The following FAM135B variants were observed in gnomAD, a reference collection of about 807,000 sequenced individuals.
The protein encoded by FAM135B is protein FAM135B.
Under a neutral mutation model 127.7 loss-of-function variants are expected in FAM135B, and 43 were observed. That is an observed-to-expected ratio of 0.34 (90% CI 0.26 to 0.43). The LOEUF (loss-of-function observed/expected upper bound fraction) is 0.43. Ranked by LOEUF, FAM135B falls within the 20% of genes least tolerant of loss-of-function variation. The pLI is 1.00. For synonymous variants in FAM135B, 670 were observed against 665.1 expected (o/e 1.01, Z -0.11); for missense variants, 1,558 against 1,725.6 (o/e 0.90, Z 1.72).
intron 9 of FAM135B, among the ~76,000 whole-genome samples, chr8:138,185,369 C>T (rs895549006): frequency 6.6e-6 from 1 of 152,172 alleles, no homozygotes; most frequent in Non-Finnish European, 1.5e-5. Context: ...TTGAGATCAG[C>T]TCCTTCACAG....
At chr8:138,153,985 C>T (rs1007838044) in intron 12 of FAM135B, among the ~76,000 whole-genome samples, 3 of 152,242 alleles carry the variant, frequency 2.0e-5, no homozygotes, top group African/African-American at 7.2e-5. Context: ...GACAGACTGC[C>T]TCCTCAAGTG....
chr8:138,196,951 G>A (rs935874098), intron 8 of FAM135B, among the ~76,000 whole-genome samples: 7 of 152,156 alleles, frequency 4.6e-5, no homozygotes, highest in Non-Finnish European at 1.0e-4. Context: ...CAAGCCCACT[G>A]ATTTCCATGA....
At position 138,390,314 on chromosome 8, in the gene FAM135B, C is replaced by T. The variant is rs1832476729; in HGVS notation, c.-19-22312G>A. On this transcript the variant is annotated intron_variant, in intron 1 of 19. Coordinates refer to ENST00000395297, the MANE Select transcript of FAM135B (RefSeq NM_015912.4). ...AGGGGCGGTTTCCCCCAGCTGTTTT[C>T]ATGGTAGTGAATAAGTCCCAGGAGA... Among the ~76,000 whole-genome samples, 3 of 152,092 alleles carry T rather than the reference C, an allele frequency of 2.0e-5. No individual in the cohort carries two copies. In the South Asian group the frequency reaches 6.2e-4, roughly 32 times the overall value.
chr8:138,218,124 G>A (rs946602948), intron 7 of FAM135B, among the ~76,000 whole-genome samples: 2 of 152,148 alleles, frequency 1.3e-5, no homozygotes, highest in Non-Finnish European at 2.9e-5. Flanking sequence ...AAATGTGTGA[G>A]CAATGAGACT....
intron 7 of FAM135B, among the ~76,000 whole-genome samples, chr8:138,225,754 C>T (rs1819378954): frequency 6.6e-6 from 1 of 152,110 alleles, no homozygotes; most frequent in East Asian, 1.9e-4. Flanking sequence ...AAACTTGAGA[C>T]AAGGGGTGGG....
rs538781548 is a variant in FAM135B, at chr8:138,156,923, G to C, written c.1259-3707C>G. 4.3e-3 allele frequency among the ~76,000 whole-genome samples: 656 copies of C among 152,256 alleles called. 5 individuals carry two copies. The highest frequency in any genetic ancestry group is 0.015 in the African/African-American group (626 of 41,558). On this transcript the variant is annotated intron_variant, in intron 12 of 19. Coordinates refer to ENST00000395297, the MANE Select transcript of FAM135B (RefSeq NM_015912.4). The stretch of plus-strand genomic sequence containing the variant: ...ACTATTCCAATCAATAGAAAAAGAG[G>C]GAATCCTCCCTAACTCATTTTATGA...
chr8:138,460,609 G>T (rs1183400557), intron 1 of FAM135B, among the ~76,000 whole-genome samples: 2 of 152,130 alleles, frequency 1.3e-5, no homozygotes, highest in East Asian at 3.9e-4. Flanking sequence ...AAAGAAGACA[G>T]TTATTCATTC....
chr8:138,388,272 T>C (rs543409143), intron 1 of FAM135B, among the ~76,000 whole-genome samples: 86 of 152,266 alleles, frequency 5.6e-4, no homozygotes, highest in African/African-American at 2.0e-3. Context: ...TGTGGAGTAA[T>C]AGAAACTCAT....
chr8:138,166,928 G>A (rs965870101), intron 12 of FAM135B, among the ~76,000 whole-genome samples: 2 of 151,930 alleles, frequency 1.3e-5, no homozygotes, highest in African/African-American at 4.8e-5. Flanking sequence ...GTTGGTTCAG[G>A]AAAACAAATC....
At chr8:138,335,179 C>A (rs1828475872) in intron 2 of FAM135B, among the ~76,000 whole-genome samples, 1 of 152,066 alleles carries the variant, frequency 6.6e-6, no homozygotes, top group African/African-American at 2.4e-5. Flanking sequence ...ACCTACAGGG[C>A]AGGATTCTGA....
chr8:138,410,311 C>A (rs1833786774), intron 1 of FAM135B, among the ~76,000 whole-genome samples: 1 of 152,114 alleles, frequency 6.6e-6, no homozygotes, highest in Non-Finnish European at 1.5e-5. Context: ...TAAGATAGCC[C>A]CAGTGAGCCC....
intron 3 of FAM135B, among the ~76,000 whole-genome samples, chr8:138,300,290 T>G (rs2130839920): frequency 6.6e-6 from 1 of 151,522 alleles, no homozygotes; most frequent in East Asian, 1.9e-4. Context: ...CACAAGTTAA[T>G]ACTCATGGTT....
chr8:138,485,941 A>C (rs534959834), intron 1 of FAM135B, among the ~76,000 whole-genome samples: 1 of 152,214 alleles, frequency 6.6e-6, no homozygotes, highest in Non-Finnish European at 1.5e-5. Flanking sequence ...AAGCTATCTG[A>C]GTAGAAGGTG....
At chr8:138,239,330 A>G (rs1479001897) in intron 7 of FAM135B, among the ~76,000 whole-genome samples, 1 of 152,076 alleles carries the variant, frequency 6.6e-6, no homozygotes, top group African/African-American at 2.4e-5. Flanking sequence ...GCATTTTTTC[A>G]TGTGTCTATT....
At chr8:138,482,044 C>A (rs561761994) in intron 1 of FAM135B, among the ~76,000 whole-genome samples, 1 of 152,286 alleles carries the variant, frequency 6.6e-6, no homozygotes, top group East Asian at 1.9e-4. Context: ...GCTACATTGT[C>A]AGCACATAGG....
intron 2 of FAM135B, among the ~76,000 whole-genome samples, chr8:138,313,441 T>C (rs571880085): frequency 4.0e-4 from 61 of 152,254 alleles, no homozygotes; most frequent in African/African-American, 1.4e-3. Context: ...CTAAAACATA[T>C]TCTAAACACA....
At chr8:138,258,803 C>CA (rs112481181) in intron 4 of FAM135B, among the ~76,000 whole-genome samples, 1 of 146,526 alleles carries the variant, frequency 6.8e-6, no homozygotes, top group Non-Finnish European at 1.5e-5. Context: ...GACACACACA[C>CA]CACACACACA....
intron 1 of FAM135B, among the ~76,000 whole-genome samples, chr8:138,472,727 A>G (rs1837750088): frequency 2.0e-5 from 3 of 152,212 alleles, no homozygotes; most frequent in Admixed American, 2.0e-4. Flanking sequence ...GCACCATTCC[A>G]CAACGTGCAT....
At position 138,141,447 on chromosome 8, in the gene FAM135B, C is replaced by T; in HGVS notation, c.3639-98G>A. On this transcript the variant is annotated intron_variant, in intron 16 of 19. Transcript: ENST00000395297. This position sits in a 1 kb window ranked among gnomAD's most constrained non-coding sequence, Gnocchi z 4.7. ...CATCAGGGGCCATTGTTCTCCACCT[C>T]CCACTGAATGTAGGGGAACTGGCAA... 2 of 1,224,104 alleles carry T rather than the reference C, an allele frequency of 1.6e-6. No homozygotes were observed. The highest frequency in any genetic ancestry group is 2.4e-6 in the Non-Finnish European group (2 of 846,586). 75.8% of individuals were successfully genotyped at this position (1,224,104 alleles called of 1,614,324 possible).
Sources: gnomAD v4.1 joint callset for allele counts (sites outside exome capture counted in the v4.1 genomes callset) on GRCh38, gnomAD v4.1.1 for gene constraint, Gnocchi (gnomAD v3.1) non-coding constraint, MANE v1.5 for transcripts, NCBI Gene and HGNC (gene_info 2026-07-23, HGNC 2026-07-21) for gene names.